The following SMIM5 variants were observed in gnomAD, a reference collection of about 807,000 sequenced individuals.
SMIM5 encodes chromosome 17 open reading frame 109.
Under a neutral mutation model 4.0 loss-of-function variants are expected in SMIM5, and 4 were observed. The ratio of observed to expected loss-of-function variants is 1.01; its 90% CI spans 0.50 to 2.30. The LOEUF is 2.30. Ranked by LOEUF, SMIM5 falls within the 30% of genes most tolerant of loss-of-function variation. SMIM5 has a pLI of 0.02. For missense variants in SMIM5, 107 were observed against 99.2 expected (o/e 1.08, Z -0.34); for synonymous variants, 46 against 43.6 (o/e 1.05, Z -0.22).
intron 1 of SMIM5, chr17:75,635,857 G>A (rs910542139): frequency 1.4e-5 from 14 of 985,346 alleles, no homozygotes; most frequent in Admixed American, 6.1e-5. Context: ...CTCGTGAGGC[G>A]CCTGGGGTTG....
At chr17:75,635,841 C>T in intron 1 of SMIM5, 2 of 985,494 alleles carry the variant, frequency 2.0e-6, no homozygotes, top group Non-Finnish European at 2.4e-6. Flanking sequence ...CTGCTGCCAG[C>T]CCTTCCTCGT....
Position 75,640,002 on chromosome 17 carries a change from G to C in SMIM5, c.-36-164G>C. ...CCACCCTGAGCTGTGTCAGCTGGGT[G>C]GGGACTGAGGGCCACCACTAGGTGG... On this transcript the variant is annotated intron_variant, in intron 1 of 2. Coordinates refer to ENST00000375215, the MANE Select transcript of SMIM5 (RefSeq NM_001162995.3). This position sits in a 1 kb window ranked among gnomAD's most constrained non-coding sequence, Gnocchi z 4.6. 1.5e-6 allele frequency: 1 copy of C among 658,774 alleles called. No individual in the cohort carries two copies. Among genetic ancestry groups the C allele is most frequent in the Non-Finnish European group, 2.5e-6 (1 of 408,106 alleles). 40.8% of individuals were successfully genotyped at this position (658,774 alleles called of 1,614,324 possible).
Position 75,640,806 on chromosome 17 carries a change from T to TGCTGCTGATAGCCTGCA in SMIM5, c.151_167dup (p.Cys56Ter). 1 of 1,550,430 alleles carries TGCTGCTGATAGCCTGCA rather than the reference T, an allele frequency of 6.4e-7. No individual in the cohort carries two copies. Among genetic ancestry groups the TGCTGCTGATAGCCTGCA allele is most frequent in the African/African-American group, 1.4e-5 (1 of 73,188 alleles). On this transcript the variant is annotated frameshift_variant, in exon 3 of 3. Transcript: ENST00000375215. LOFTEE classifies it high-confidence loss of function. The surrounding 1 kb of genome is among the most constrained non-coding windows in gnomAD (Gnocchi z 4.6). ...GGCCCTCCAGCTACTGTTCTGCTGT[T>TGCTGCTGATAGCCTGCA]GCTGCTGATAGCCTGCAGCTGCTGC...
Position 75,640,194 on chromosome 17 carries a change from A to C in SMIM5, c.-8A>C. The C allele has an allele frequency of 1.3e-6, 2 of 1,544,096 alleles. No homozygotes were observed. The highest frequency in any genetic ancestry group is 1.7e-6 in the Non-Finnish European group (2 of 1,144,222). ...CCGGCAGGAGCCCCAACAGGAAGCC[A>C]GCGCGGCATGGCTGCCACCGACTTC... is the stretch of plus-strand genomic sequence containing the variant. On this transcript the variant is annotated 5_prime_UTR_variant, in exon 2 of 3. Coordinates refer to ENST00000375215, the MANE Select transcript of SMIM5 (RefSeq NM_001162995.3). This position sits in a 1 kb window ranked among gnomAD's most constrained non-coding sequence, Gnocchi z 4.6.
rs1257142042 is a variant in SMIM5, at chr17:75,636,720, T to C, written c.-37+2518T>C. 6.6e-6 allele frequency: 1 copy of C among 152,298 alleles called. No individual in the cohort carries two copies. The allele number at this position is 152,298 out of a possible 1,614,324, so 9.4% of individuals were successfully genotyped here. On this transcript the variant is annotated intron_variant, in intron 1 of 2. Transcript: ENST00000375215. The surrounding 1 kb of genome is among the most constrained non-coding windows in gnomAD (Gnocchi z 5.4). Reference sequence around the variant, plus strand: ...CCCCACCTGCGCCATGAAGGTTCAGTCGCGGGTTTACGCTCCAAATGACAA... The same window carrying C: ...CCCCACCTGCGCCATGAAGGTTCAGCCGCGGGTTTACGCTCCAAATGACAA...
chr17:75,640,885 G>C lies in SMIM5; in HGVS notation c.222G>C (p.Pro74=). 6.5e-7 allele frequency: 1 copy of C among 1,545,584 alleles called. No homozygotes were observed. Residue 74 remains proline, a synonymous_variant, in exon 3 of 3, where the codon CCG becomes CCC. Transcript: ENST00000375215. This position sits in a 1 kb window ranked among gnomAD's most constrained non-coding sequence, Gnocchi z 4.6. Reference sequence around the variant, plus strand: ...GAGGCAGGAAGGTCCAGGTGCAGCCGACACCACCATGACGGACGGGCGATG... The same window carrying C: ...GAGGCAGGAAGGTCCAGGTGCAGCCCACACCACCATGACGGACGGGCGATG... ...ERRGRKVQVQ[P]TPP
chr17:75,640,045 A>G lies in SMIM5; in HGVS notation c.-36-121A>G. On this transcript the variant is annotated intron_variant, in intron 1 of 2. Coordinates refer to ENST00000375215, the MANE Select transcript of SMIM5 (RefSeq NM_001162995.3). This position sits in a 1 kb window ranked among gnomAD's most constrained non-coding sequence, Gnocchi z 4.6. ...CTAGGTGGAAGTCACCAGGGGTGCA[A>G]TGTGTGAGACCTGACAAACTTGTTC... 9.5e-7 allele frequency: 1 copy of G among 1,056,346 alleles called. No individual in the cohort carries two copies. The highest frequency in any genetic ancestry group is 1.7e-5 in the South Asian group (1 of 58,082). 65.4% of individuals were successfully genotyped at this position (1,056,346 alleles called of 1,614,324 possible). A position where few individuals can be genotyped will look rare whatever the true frequency, so the allele number is the denominator to read the frequency against.
Position 75,633,955 on chromosome 17 carries a change from T to C in SMIM5, c.-284T>C, listed in dbSNP as rs537680984. 2 of 985,544 alleles carry C rather than the reference T, an allele frequency of 2.0e-6. No homozygotes were observed. Among genetic ancestry groups the C allele is most frequent in the East Asian group, 1.1e-4 (1 of 8,794 alleles). The allele number at this position is 985,544 out of a possible 1,614,324, so 61.0% of individuals were successfully genotyped here. Reference sequence around the variant, plus strand: ...AGGGCAGAGGTGAGGCACCGGGACATGAAGTTGGAGGACAAGTTCCCAAGC... The same window carrying C: ...AGGGCAGAGGTGAGGCACCGGGACACGAAGTTGGAGGACAAGTTCCCAAGC... On this transcript the variant is annotated 5_prime_UTR_variant, in exon 1 of 3. The change abolishes an upstream ATG in the 5' untranslated region. Coordinates refer to ENST00000375215, the MANE Select transcript of SMIM5 (RefSeq NM_001162995.3).
rs2059429102 is a variant in SMIM5 at position 75,641,197 on chromosome 17, T to C, written c.*300T>C. The C allele has an allele frequency of 2.9e-6, 1 of 349,252 alleles. No individual in the cohort carries two copies. The highest frequency in any genetic ancestry group is 5.4e-6 in the Non-Finnish European group (1 of 184,538). The allele number at this position is 349,252 out of a possible 1,614,324, so 21.6% of individuals were successfully genotyped here. On this transcript the variant is annotated 3_prime_UTR_variant, in exon 3 of 3. Coordinates refer to ENST00000375215, the MANE Select transcript of SMIM5 (RefSeq NM_001162995.3). Reference sequence around the variant, plus strand: ...TGCACTTTTTAACAAAACAAGGAAGTAGGGGTCCCCATACCTTGATGGAGA... The same window carrying C: ...TGCACTTTTTAACAAAACAAGGAAGCAGGGGTCCCCATACCTTGATGGAGA...
rs189266763 is a variant in SMIM5, at chr17:75,640,505, T to C, written c.127+177T>C. On this transcript the variant is annotated intron_variant, in intron 2 of 2. Coordinates refer to ENST00000375215, the MANE Select transcript of SMIM5 (RefSeq NM_001162995.3). This position sits in a 1 kb window ranked among gnomAD's most constrained non-coding sequence, Gnocchi z 4.6. ...CTCATCCTCTGATATGCTGCTTGGGTGATGGGCGGTGCTGGGGACTGGGCC... is the reference window on the plus strand; with the variant it reads ...CTCATCCTCTGATATGCTGCTTGGGCGATGGGCGGTGCTGGGGACTGGGCC... Among the ~76,000 whole-genome samples, 44 of 152,050 alleles carry C rather than the reference T, an allele frequency of 2.9e-4. No individual in the cohort carries two copies. The East Asian group carries it at 8.2e-3, about 28-fold the overall frequency.
At chr17:75,635,691 A>T in intron 1 of SMIM5, 1 of 658,724 alleles carries the variant, frequency 1.5e-6, no homozygotes, top group Non-Finnish European at 1.9e-6. Flanking sequence ...GCCTCCTTCT[A>T]GGTGGACCTC....
In SMIM5 at chr17:75,640,793, A is replaced by G. The variant is rs925957719; in HGVS notation, c.130A>G (p.Thr44Ala). 2.6e-6 allele frequency: 4 copies of G among 1,549,868 alleles called. No individual in the cohort carries two copies. In the Admixed American group the frequency reaches 7.8e-5, roughly 30 times the overall value. ...CGTGCTCTCTCCCGGCCCTCCAGCT[A>G]CTGTTCTGCTGTTGCTGCTGATAGC... ...AFSVIILFTA[T>A]VLLLLLIACS... is the part of the protein sequence containing the mutation. Residue 44 changes from threonine (T) to alanine (A), a missense_variant and splice_region_variant, in exon 3 of 3, where the codon ACT (threonine) becomes GCT (alanine). Thr to Ala is a moderately conservative substitution (Grantham distance 58, BLOSUM62 0). Transcript: ENST00000375215. This position sits in a 1 kb window ranked among gnomAD's most constrained non-coding sequence, Gnocchi z 4.6.
At chr17:75,634,798 T>C (rs2059288154) in intron 1 of SMIM5, among the ~76,000 whole-genome samples, 1 of 152,194 alleles carries the variant, frequency 6.6e-6, no homozygotes, top group Non-Finnish European at 1.5e-5. Flanking sequence ...TGATGAGCCT[T>C]GAACACCAAA....
At chr17:75,639,513 C>G (rs936841763) in intron 1 of SMIM5, 5 of 152,276 alleles carry the variant, frequency 3.3e-5, no homozygotes, top group Non-Finnish European at 5.9e-5. Context: ...ATGACGCCAG[C>G]AGGGGAGGGG....
rs571254892 is a variant in SMIM5, at chr17:75,633,992, G to C, written c.-247G>C. Reference sequence around the variant, plus strand: ...ACAAGTTCCCAAGCAGGGCTTCCTCGGGCTCCCCCTCGCGACGGTAATTTG... The same window carrying C: ...ACAAGTTCCCAAGCAGGGCTTCCTCCGGCTCCCCCTCGCGACGGTAATTTG... On this transcript the variant is annotated 5_prime_UTR_variant, in exon 1 of 3. Transcript: ENST00000375215. The C allele has an allele frequency of 2.0e-6, 2 of 985,486 alleles. No individual in the cohort carries two copies. The highest frequency in any genetic ancestry group is 6.1e-5 in the Admixed American group (1 of 16,288). 61.0% of individuals were successfully genotyped at this position (985,486 alleles called of 1,614,324 possible).
chr17:75,633,768 G>C lies in SMIM5; in HGVS notation c.-471G>C. 9.8e-7 allele frequency: 1 copy of C among 1,022,158 alleles called. No homozygotes were observed. Among genetic ancestry groups the C allele is most frequent in the South Asian group, 3.3e-5 (1 of 30,724 alleles). The allele number at this position is 1,022,158 out of a possible 1,614,324, so 63.3% of individuals were successfully genotyped here. ...GCAGGACTCCCCTCCACAGGCTCAGGTGGAGCCTCCCCAGGGTCCTCCTGG... is the reference window on the plus strand; with the variant it reads ...GCAGGACTCCCCTCCACAGGCTCAGCTGGAGCCTCCCCAGGGTCCTCCTGG... On this transcript the variant is annotated 5_prime_UTR_variant, in exon 1 of 3. Coordinates refer to ENST00000375215, the MANE Select transcript of SMIM5 (RefSeq NM_001162995.3).
rs1027045158 is a variant in SMIM5, at chr17:75,634,239, G to A, written c.-37+37G>A. 3.0e-6 allele frequency: 3 copies of A among 985,446 alleles called. No individual in the cohort carries two copies. In the African/African-American group the frequency reaches 5.2e-5, roughly 17 times the overall value. 61.0% of individuals were successfully genotyped at this position (985,446 alleles called of 1,614,324 possible). A position where few individuals can be genotyped will look rare whatever the true frequency, so the allele number is the denominator to read the frequency against. ...TGGCCACAGAAGAAGGGGGGACAGG[G>A]AGGGAGCAGCAAGGGTCCCCTGCCC... On this transcript the variant is annotated intron_variant, in intron 1 of 2. Coordinates refer to ENST00000375215, the MANE Select transcript of SMIM5 (RefSeq NM_001162995.3).
rs1599019320 is a variant in SMIM5, at chr17:75,640,730, G to A, written c.128-61G>A. 1 of 1,526,306 alleles carries A rather than the reference G, an allele frequency of 6.6e-7. No homozygotes were observed. The highest frequency in any genetic ancestry group is 2.5e-5 in the East Asian group (1 of 40,312). The allele number at this position is 1,526,306 out of a possible 1,614,324, so 94.5% of individuals were successfully genotyped here. On this transcript the variant is annotated intron_variant, in intron 2 of 2. Coordinates refer to ENST00000375215, the MANE Select transcript of SMIM5 (RefSeq NM_001162995.3). This position sits in a 1 kb window ranked among gnomAD's most constrained non-coding sequence, Gnocchi z 4.6. Reference sequence around the variant, plus strand: ...TGGCAGGCAGTGGGTTTCTCTGGGAGGAGGGTGGGCATCCTTTCTCTCCCC... The same window carrying A: ...TGGCAGGCAGTGGGTTTCTCTGGGAAGAGGGTGGGCATCCTTTCTCTCCCC...
intron 1 of SMIM5, among the ~76,000 whole-genome samples, chr17:75,635,466 CCTA>C (rs990202692): frequency 2.0e-5 from 3 of 152,222 alleles, no homozygotes; most frequent in Admixed American, 6.5e-5. Context: ...AGAAAGAGCG[CCTA>C]CTGTTTCTAA....
Sources: gnomAD v4.1 joint callset for allele counts (sites outside exome capture counted in the v4.1 genomes callset) on GRCh38, gnomAD v4.1.1 for gene constraint, Gnocchi (gnomAD v3.1) non-coding constraint, MANE v1.5 for transcripts, NCBI Gene and HGNC (gene_info 2026-07-23, HGNC 2026-07-21) for gene names.